Variants in NDST4 observed in about 807,000 individuals in gnomAD.
The protein encoded by NDST4 is N-heparan sulfate sulfotransferase 4.
NDST4 carries 63 observed loss-of-function variants against 100.8 expected under a neutral mutation model. The observed-to-expected ratio is 0.62, with a 90% CI of 0.51 to 0.77. NDST4 has a LOEUF of 0.77. Among genes scored for constraint, NDST4 ranks in the 30% least tolerant of loss-of-function variants. The pLI, the probability that NDST4 is intolerant of heterozygous loss-of-function variation, is 0.00. For missense variants in NDST4, 943 were observed against 1,018.4 expected (o/e 0.93, Z 1.01); for synonymous variants, 377 against 361.8 (o/e 1.04, Z -0.48).
chr4:114,886,444 G>T (rs980538289), intron 6 of NDST4, among the ~76,000 whole-genome samples: 1 of 152,038 alleles, frequency 6.6e-6, no homozygotes, highest in Non-Finnish European at 1.5e-5. Flanking sequence ...TCCGGTAGCT[G>T]TTTATTGTTC....
intron 6 of NDST4, among the ~76,000 whole-genome samples, chr4:114,921,247 G>A (rs896993893): frequency 6.6e-6 from 1 of 152,106 alleles, no homozygotes; most frequent in Non-Finnish European, 1.5e-5. Flanking sequence ...CAAGTATTGC[G>A]TTCGATGACT....
chr4:114,943,446 A>G (rs529460515), intron 4 of NDST4, among the ~76,000 whole-genome samples: 1 of 152,194 alleles, frequency 6.6e-6, no homozygotes, highest in Non-Finnish European at 1.5e-5. Context: ...ATCAGTAATG[A>G]TTTCCTCTTG....
intron 1 of NDST4, among the ~76,000 whole-genome samples, chr4:115,109,078 G>A (rs1264731726): frequency 1.3e-5 from 2 of 150,800 alleles, no homozygotes; most frequent in Non-Finnish European, 3.0e-5. Flanking sequence ...GAAGGAAAAA[G>A]TGGTAAAATA....
At chr4:115,070,718 T>A (rs1477837988) in intron 2 of NDST4, among the ~76,000 whole-genome samples, 1 of 152,140 alleles carries the variant, frequency 6.6e-6, no homozygotes, top group Non-Finnish European at 1.5e-5. Context: ...AGATAAGGCA[T>A]GAATAATTCT....
Position 114,837,942 on chromosome 4 carries a change from T to C in NDST4, c.2286+1436A>G, listed in dbSNP as rs181623480. Among the ~76,000 whole-genome samples, 37 of 152,208 alleles carry C rather than the reference T, an allele frequency of 2.4e-4. 1 individual carries two copies. In the East Asian group the frequency reaches 7.2e-3, roughly 29 times the overall value. On this transcript the variant is annotated intron_variant, in intron 11 of 13. Transcript: ENST00000264363. ...CAATCCATCTGACAGAGGGTTAATATCCAGAATCTACAAGGAACTTAAACA... is the reference window on the plus strand; with the variant it reads ...CAATCCATCTGACAGAGGGTTAATACCCAGAATCTACAAGGAACTTAAACA...
intron 6 of NDST4, among the ~76,000 whole-genome samples, chr4:114,913,767 C>T (rs66942925): frequency 0.29 from 43,160 of 148,380 alleles, 8,067 homozygotes; most frequent in African/African-American, 0.53. Context: ...TATTTCTATT[C>T]ATTTTGCCCT....
At chr4:115,049,468 T>C (rs1728536588) in intron 2 of NDST4, among the ~76,000 whole-genome samples, 1 of 152,120 alleles carries the variant, frequency 6.6e-6, no homozygotes, top group African/African-American at 2.4e-5. Flanking sequence ...GGTAGACCCC[T>C]ACACTAGGAT....
intron 4 of NDST4, among the ~76,000 whole-genome samples, chr4:114,966,592 C>T (rs1578418856): frequency 6.6e-6 from 1 of 152,008 alleles, no homozygotes; most frequent in East Asian, 1.9e-4. Flanking sequence ...CTGACAATCC[C>T]TCTGACAGCC....
intron 9 of NDST4, among the ~76,000 whole-genome samples, chr4:114,846,435 G>A (rs2126186335): frequency 6.6e-6 from 1 of 152,364 alleles, no homozygotes; most frequent in East Asian, 1.9e-4. Flanking sequence ...AGAAAAATGT[G>A]TGAGTCTGAA....
Position 114,914,299 on chromosome 4 carries a change from A to G in NDST4, c.1536+20907T>C, listed in dbSNP as rs1286447885. Among the ~76,000 whole-genome samples the G allele has an allele frequency of 3.9e-5, 6 of 152,284 alleles. No individual in the cohort carries two copies. In the South Asian group the frequency reaches 1.2e-3, roughly 32 times the overall value. On this transcript the variant is annotated intron_variant, in intron 6 of 13. Transcript: ENST00000264363. ...ACAGGGTCAATAATAATTTAATTAT[A>G]CATTTTAAAATAGCTAAAAGAGTAT...
rs191411413 is a variant in NDST4 at position 114,894,071 on chromosome 4, G to T, written c.1537-23121C>A. On this transcript the variant is annotated intron_variant, in intron 6 of 13. Transcript: ENST00000264363. Reference sequence around the variant, plus strand: ...TGTAGATGAGTAGTGTTATTTATGAGGTCTCTGTTCTGCTCCATTGATCTA... The same window carrying T: ...TGTAGATGAGTAGTGTTATTTATGATGTCTCTGTTCTGCTCCATTGATCTA... 1.1e-3 allele frequency among the ~76,000 whole-genome samples: 172 copies of T among 152,138 alleles called. 1 individual carries two copies. The highest frequency in any genetic ancestry group is 3.9e-3 in the African/African-American group (163 of 41,502).
chr4:114,871,697 T>C (rs1037580713), intron 6 of NDST4, among the ~76,000 whole-genome samples: 13 of 152,048 alleles, frequency 8.5e-5, no homozygotes, highest in African/African-American at 2.9e-4. Flanking sequence ...AAAATTCTGA[T>C]TGAAATTGCA....
intron 6 of NDST4, among the ~76,000 whole-genome samples, chr4:114,920,434 C>T (rs1725264495): frequency 2.0e-5 from 3 of 151,970 alleles, no homozygotes; most frequent in African/African-American, 7.3e-5. Context: ...TGAATGTGTA[C>T]CTGTGTGTGA....
chr4:114,872,838 G>A (rs1403812323), intron 6 of NDST4, among the ~76,000 whole-genome samples: 2 of 151,904 alleles, frequency 1.3e-5, no homozygotes, highest in African/African-American at 4.8e-5. Flanking sequence ...CAGGCAGTCA[G>A]ATTCCCAATT....
At chr4:114,833,386 A>G (rs749369202) in intron 12 of NDST4, among the ~76,000 whole-genome samples, 2 of 152,112 alleles carry the variant, frequency 1.3e-5, no homozygotes, top group Non-Finnish European at 2.9e-5. Context: ...CACAAAAAGA[A>G]GAATTTGCAA....
At chr4:115,035,628 C>T (rs566842885) in intron 2 of NDST4, among the ~76,000 whole-genome samples, 17 of 152,050 alleles carry the variant, frequency 1.1e-4, no homozygotes, top group South Asian at 6.2e-4. Context: ...TAAAACATAG[C>T]GACATGTTTT....
rs990546237 is a variant in NDST4 at position 114,870,800 on chromosome 4, G to C, written c.1687C>G (p.Leu563Val). The part of the protein sequence containing the change: ...PVQLAHQYFE[L>V]FPEQKDPLWQ... ...AGAGGGTCTTTCTGCTCAGGGAAGA[G>C]CTCAAAATACTGGTGGGCCAGTTGC... Residue 563 changes from leucine (L) to valine (V), a missense_variant, in exon 7 of 14, where the codon CTC (leucine) becomes GTC (valine). Around this residue, in one of 2 missense-constraint regions of NDST4, gnomAD observed 526 missense variants for 634.1 expected, o/e 0.83. Coordinates refer to ENST00000264363, the MANE Select transcript of NDST4 (RefSeq NM_022569.3). 9.3e-6 allele frequency: 15 copies of C among 1,612,532 alleles called. No individual in the cohort carries two copies. Among genetic ancestry groups the C allele is most frequent in the African/African-American group, 6.7e-5 (5 of 74,794 alleles).
chr4:115,049,731 A>C (rs1040282524), intron 2 of NDST4, among the ~76,000 whole-genome samples: 1 of 152,124 alleles, frequency 6.6e-6, no homozygotes, highest in African/African-American at 2.4e-5. Context: ...GACAATTTGG[A>C]TGATGAGGGC....
At chr4:115,014,525 C>T (rs1166949949) in intron 2 of NDST4, among the ~76,000 whole-genome samples, 1 of 152,056 alleles carries the variant, frequency 6.6e-6, no homozygotes, top group Non-Finnish European at 1.5e-5. Context: ...TACTCCAGCA[C>T]ATTGACTTAA....
Sources: allele counts gnomAD v4.1 joint callset (sites outside exome capture counted in the v4.1 genomes callset), GRCh38; gene constraint gnomAD v4.1.1; regional missense constraint gnomAD v4.1.1; transcripts MANE v1.5; gene names NCBI Gene and HGNC (gene_info 2026-07-23, HGNC 2026-07-21).